The following TMCC1 variants were observed in gnomAD, a reference collection of about 807,000 sequenced individuals.
TMCC1 encodes the protein transmembrane and coiled-coil domain family 1, also known as transmembrane and coiled-coil domains protein 1.
A neutral mutation model predicts 52.4 loss-of-function variants in TMCC1; 15 were observed. That is an observed-to-expected ratio of 0.29 (90% CI 0.19 to 0.44). The LOEUF (loss-of-function observed/expected upper bound fraction) is 0.44. TMCC1 is among the 20% of genes least tolerant of loss of function. TMCC1 has a pLI of 1.00. For missense variants in TMCC1, 503 were observed against 806.0 expected, an observed-to-expected ratio of 0.62 and a Z score of 4.55; for synonymous variants, 279 against 301.9, an observed-to-expected ratio of 0.92 and a Z score of 0.79.
chr3:129,814,075 G>T (rs1434963845), intron 4 of TMCC1, among the ~76,000 whole-genome samples: 1 of 151,508 alleles, frequency 6.6e-6, no homozygotes, highest in Non-Finnish European at 1.5e-5. Context: ...AAAGAGTTGA[G>T]TTATAGGCTT....
At chr3:129,892,859 G>A (rs2062036421) in intron 1 of TMCC1, 1 of 152,100 alleles carries the variant, frequency 6.6e-6, no homozygotes, top group Non-Finnish European at 1.5e-5. Flanking sequence ...GGTGCAACTC[G>A]CTGCACCTCT....
chr3:129,762,624 CA>C (rs985399490), intron 4 of TMCC1, among the ~76,000 whole-genome samples: 120 of 151,580 alleles, frequency 7.9e-4, no homozygotes, highest in Admixed American at 4.5e-3. Flanking sequence ...GTCATCTCTC[CA>C]AAAAAAATTA....
intron 4 of TMCC1, among the ~76,000 whole-genome samples, chr3:129,682,512 C>T (rs892497880): frequency 6.6e-6 from 1 of 152,056 alleles, no homozygotes; most frequent in African/African-American, 2.4e-5. Context: ...AGCTCAGTCC[C>T]CTGCCTCCCT....
intron 4 of TMCC1, among the ~76,000 whole-genome samples, chr3:129,795,289 T>C (rs1280583205): frequency 2.0e-5 from 3 of 152,180 alleles, no homozygotes; most frequent in Non-Finnish European, 4.4e-5. Context: ...GTTCCAAAGA[T>C]AAAAATATTC....
At chr3:129,721,645 G>A (rs2049595324) in intron 4 of TMCC1, among the ~76,000 whole-genome samples, 1 of 150,842 alleles carries the variant, frequency 6.6e-6, no homozygotes, top group Non-Finnish European at 1.5e-5. Flanking sequence ...CAGATCACGA[G>A]GTCAGGAGAT....
intron 4 of TMCC1, among the ~76,000 whole-genome samples, chr3:129,796,791 T>C (rs1048182454): frequency 6.6e-6 from 1 of 152,158 alleles, no homozygotes; most frequent in Non-Finnish European, 1.5e-5. Flanking sequence ...CAGTGAGGCA[T>C]GATGCTCCAG....
intron 4 of TMCC1, among the ~76,000 whole-genome samples, chr3:129,716,457 C>A (rs1560255160): frequency 6.6e-6 from 1 of 151,036 alleles, no homozygotes; most frequent in Non-Finnish European, 1.5e-5. Context: ...GCCTCAGCCT[C>A]CCGAGTAGCT....
intron 4 of TMCC1, among the ~76,000 whole-genome samples, chr3:129,756,922 ATG>A (rs1037678256): frequency 1.3e-5 from 2 of 152,198 alleles, no homozygotes; most frequent in African/African-American, 4.8e-5. Context: ...TATAGGATAC[ATG>A]TGTCATAAAT....
intron 3 of TMCC1, among the ~76,000 whole-genome samples, chr3:129,831,024 T>G (rs1209668456): frequency 6.6e-6 from 1 of 152,198 alleles, no homozygotes; most frequent in Non-Finnish European, 1.5e-5. Context: ...AGCCTCTGCC[T>G]CCTGGGTTCA....
chr3:129,884,851 T>A (rs535453043), intron 1 of TMCC1, among the ~76,000 whole-genome samples: 67 of 152,184 alleles, frequency 4.4e-4, no homozygotes, highest in Non-Finnish European at 8.1e-4. Context: ...ACAAATGAGC[T>A]ACAGCAGGCA....
chr3:129,883,498 C>CA (rs913504307), intron 1 of TMCC1, among the ~76,000 whole-genome samples: 2 of 152,098 alleles, frequency 1.3e-5, no homozygotes, highest in African/African-American at 4.8e-5. Flanking sequence ...CCTGTGGTCC[C>CA]AGCTATTCAG....
rs146260846 is a variant in TMCC1 at position 129,892,131 on chromosome 3, CATAATT to C, written c.-435+1357_-435+1362del. On this transcript the variant is annotated intron_variant, in intron 1 of 6. Coordinates refer to ENST00000393238, the MANE Select transcript of TMCC1 (RefSeq NM_001017395.5). ...ACCATACCAAATCTTAATCAATGCT[CATAATT>C]ATAACAGTTCTACATCACATGCTAA... Among the ~76,000 whole-genome samples the C allele has an allele frequency of 6.9e-3, 1,044 of 152,312 alleles. 11 individuals are homozygous for C. Among genetic ancestry groups the C allele is most frequent in the African/African-American group, 0.024 (986 of 41,562 alleles).
chr3:129,874,995 T>G (rs924020924), intron 2 of TMCC1, among the ~76,000 whole-genome samples: 1 of 152,192 alleles, frequency 6.6e-6, no homozygotes, highest in Non-Finnish European at 1.5e-5. Context: ...TGTCTTAAGT[T>G]GTCGGAAAGG....
At chr3:129,794,585 G>T (rs762724890) in intron 4 of TMCC1, among the ~76,000 whole-genome samples, 1 of 152,128 alleles carries the variant, frequency 6.6e-6, no homozygotes, top group African/African-American at 2.4e-5. Context: ...TCCTGAAGCC[G>T]CTGTGCCCAG....
chr3:129,688,823 A>G, intron 4 of TMCC1: 1 of 861,026 alleles, frequency 1.2e-6, no homozygotes. Context: ...CAAAAGCACC[A>G]CACTGGTTGG....
chr3:129,663,838 C>T (rs2087236818), intron 5 of TMCC1, among the ~76,000 whole-genome samples: 1 of 152,168 alleles, frequency 6.6e-6, no homozygotes. Context: ...TGAGCTCCTA[C>T]TCTAAACCAA....
At chr3:129,858,666 A>G (rs1314380249) in intron 2 of TMCC1, among the ~76,000 whole-genome samples, 1 of 152,086 alleles carries the variant, frequency 6.6e-6, no homozygotes, top group East Asian at 1.9e-4. Flanking sequence ...GCCACCACAC[A>G]TGGCCATTAT....
chr3:129,848,734 T>C (rs1398534265), intron 2 of TMCC1, among the ~76,000 whole-genome samples: 1 of 152,192 alleles, frequency 6.6e-6, no homozygotes, highest in Non-Finnish European at 1.5e-5. Flanking sequence ...AGCATTTGAT[T>C]CTATTCTGTA....
chr3:129,713,485 C>T (rs537495229), intron 4 of TMCC1, among the ~76,000 whole-genome samples: 5 of 152,212 alleles, frequency 3.3e-5, no homozygotes, highest in South Asian at 2.1e-4. Flanking sequence ...AGGCAGCATT[C>T]GTTTAGGAAA....
Sources: allele counts gnomAD v4.1 joint callset (sites outside exome capture counted in the v4.1 genomes callset), GRCh38; gene constraint gnomAD v4.1.1; transcripts MANE v1.5; gene names NCBI Gene and HGNC (gene_info 2026-07-23, HGNC 2026-07-21).